Variants in GABBR2 observed in about 807,000 individuals in gnomAD.
The protein encoded by GABBR2 is gamma-aminobutyric acid type B receptor subunit 2, also known as G-protein coupled receptor 51.
Under a neutral mutation model 105.6 loss-of-function variants are expected in GABBR2, and 23 were observed. The ratio of observed to expected loss-of-function variants is 0.22; its 90% CI spans 0.16 to 0.31. The LOEUF (loss-of-function observed/expected upper bound fraction) is 0.31. GABBR2 is among the 10% of genes least tolerant of loss of function. GABBR2 has a pLI of 1.00. For synonymous variants in GABBR2, 478 were observed against 499.7 expected (o/e 0.96, Z 0.58); for missense variants, 734 against 1,245.5 (o/e 0.59, Z 6.18).
At chr9:98,378,247 C>G (rs994671389) in intron 11 of GABBR2, among the ~76,000 whole-genome samples, 3 of 152,186 alleles carry the variant, frequency 2.0e-5, no homozygotes, top group African/African-American at 7.2e-5. Flanking sequence ...AAGAGGGCAT[C>G]ACACTCCCCA....
chr9:98,616,034 G>A (rs940179296), intron 1 of GABBR2, among the ~76,000 whole-genome samples: 1 of 152,208 alleles, frequency 6.6e-6, no homozygotes, highest in Non-Finnish European at 1.5e-5. Flanking sequence ...TGTCTGACAC[G>A]TAGAAAGCTG....
chr9:98,386,449 C>T (rs1461074992), intron 10 of GABBR2, among the ~76,000 whole-genome samples: 6 of 152,134 alleles, frequency 3.9e-5, no homozygotes, highest in Admixed American at 2.6e-4. Flanking sequence ...TCCCAGTCAC[C>T]GGGTGACAGA....
chr9:98,455,581 C>T (rs1022722265), intron 6 of GABBR2, among the ~76,000 whole-genome samples: 2 of 152,186 alleles, frequency 1.3e-5, no homozygotes, highest in Non-Finnish European at 1.5e-5. Flanking sequence ...AGGGGGGGCG[C>T]GGCACCAGAC....
At chr9:98,543,259 G>T (rs1828337584) in intron 2 of GABBR2, among the ~76,000 whole-genome samples, 2 of 152,006 alleles carry the variant, frequency 1.3e-5, no homozygotes, top group Admixed American at 6.5e-5. Context: ...GATCTTTGCA[G>T]TATGATGGTG....
At chr9:98,509,355 C>T (rs984012221) in intron 3 of GABBR2, among the ~76,000 whole-genome samples, 3 of 152,196 alleles carry the variant, frequency 2.0e-5, no homozygotes, top group Non-Finnish European at 4.4e-5. Context: ...CTCTAAAAAT[C>T]AGAGCACCTC....
chr9:98,298,644 A>G (rs1830419760), intron 17 of GABBR2, among the ~76,000 whole-genome samples: 1 of 151,966 alleles, frequency 6.6e-6, no homozygotes. Context: ...TTTTGTAGAG[A>G]TGGGGTCTTG....
chr9:98,651,139 GTTTT>G (rs55727456), intron 1 of GABBR2, among the ~76,000 whole-genome samples: 5 of 129,566 alleles, frequency 3.9e-5, no homozygotes, highest in Admixed American at 1.6e-4. Context: ...ACACACACTG[GTTTT>G]TTTTTTTTTT....
chr9:98,568,981 C>T (rs1828787892), intron 2 of GABBR2, among the ~76,000 whole-genome samples: 1 of 152,000 alleles, frequency 6.6e-6, no homozygotes, highest in Non-Finnish European at 1.5e-5. Context: ...TAGTGCATGC[C>T]CTTAGCATCA....
At chr9:98,401,722 G>T (rs1832397907) in intron 8 of GABBR2, among the ~76,000 whole-genome samples, 1 of 152,168 alleles carries the variant, frequency 6.6e-6, no homozygotes, top group African/African-American at 2.4e-5. Context: ...TTAAAAATCA[G>T]CCTCAAGAGT....
chr9:98,639,774 G>C (rs1347685478), intron 1 of GABBR2, among the ~76,000 whole-genome samples: 1 of 151,960 alleles, frequency 6.6e-6, no homozygotes, highest in African/African-American at 2.4e-5. Context: ...GTCACTGCCA[G>C]CTGCCAGCTC....
chr9:98,431,349 A>G (rs1159954249), intron 7 of GABBR2, among the ~76,000 whole-genome samples: 1 of 152,158 alleles, frequency 6.6e-6, no homozygotes, highest in Non-Finnish European at 1.5e-5. Flanking sequence ...TCCTGGCACT[A>G]GACTGTAAAC....
chr9:98,663,576 C>G (rs1411679998), intron 1 of GABBR2, among the ~76,000 whole-genome samples: 2 of 144,710 alleles, frequency 1.4e-5, no homozygotes, highest in Admixed American at 7.2e-5. Flanking sequence ...GGGCAGCCAA[C>G]AAAGGTAGTC....
At chr9:98,505,466 G>A (rs545248162) in intron 3 of GABBR2, among the ~76,000 whole-genome samples, 55 of 151,220 alleles carry the variant, frequency 3.6e-4, no homozygotes, top group African/African-American at 1.2e-3. Context: ...GTGCATGTGC[G>A]TGTGTGACCC....
chr9:98,416,048 G>A (rs573782644), intron 7 of GABBR2, among the ~76,000 whole-genome samples: 1 of 152,192 alleles, frequency 6.6e-6, no homozygotes, highest in African/African-American at 2.4e-5. Context: ...TGGCTTTTTG[G>A]GGAGAAGAAA....
At chr9:98,685,105 C>G (rs891042263) in intron 1 of GABBR2, among the ~76,000 whole-genome samples, 6 of 152,226 alleles carry the variant, frequency 3.9e-5, no homozygotes, top group African/African-American at 1.2e-4. Context: ...GCCAGCACAG[C>G]TGGGATAAAA....
At chr9:98,628,263 C>T (rs1199746299) in intron 1 of GABBR2, among the ~76,000 whole-genome samples, 2 of 152,208 alleles carry the variant, frequency 1.3e-5, no homozygotes, top group Non-Finnish European at 2.9e-5. Flanking sequence ...GAAGCTTGTG[C>T]TGACTCCAAA....
At chr9:98,698,987 A>G (rs1410047722) in intron 1 of GABBR2, among the ~76,000 whole-genome samples, 1 of 152,070 alleles carries the variant, frequency 6.6e-6, no homozygotes, top group African/African-American at 2.4e-5. Context: ...GATTCCAGGG[A>G]ACATATTTTC....
At chr9:98,477,394 C>T (rs1826814881) in intron 5 of GABBR2, among the ~76,000 whole-genome samples, 1 of 152,098 alleles carries the variant, frequency 6.6e-6, no homozygotes, top group South Asian at 2.1e-4. Context: ...CAGATGATAC[C>T]ACGCCCAGCT....
chr9:98,691,483 G>A (rs567828279), intron 1 of GABBR2, among the ~76,000 whole-genome samples: 1 of 152,210 alleles, frequency 6.6e-6, no homozygotes, highest in Admixed American at 6.5e-5. Flanking sequence ...TCCGTTGACT[G>A]GGGGGTTGTG....
Sources: allele counts gnomAD v4.1 joint callset (sites outside exome capture counted in the v4.1 genomes callset), GRCh38; gene constraint gnomAD v4.1.1; transcripts MANE v1.5; gene names NCBI Gene and HGNC (gene_info 2026-07-23, HGNC 2026-07-21).